The following MGAT5 variants were observed in gnomAD, a reference collection of about 807,000 sequenced individuals.
MGAT5 encodes the protein alpha-1,6-mannosylglycoprotein 6-beta-N-acetylglucosaminyltransferase, also known as alpha-1,6-mannosylglycoprotein 6-beta-N-acetylglucosaminyltransferase A.
Under a neutral mutation model 94.3 loss-of-function variants are expected in MGAT5, and 30 were observed. The ratio of observed to expected loss-of-function variants is 0.32; its 90% CI spans 0.24 to 0.43. The LOEUF is 0.43. MGAT5 is among the 20% of genes least tolerant of loss of function. The pLI, the probability that MGAT5 is intolerant of heterozygous loss-of-function variation, is 1.00. For missense variants in MGAT5, 691 were observed against 905.5 expected, an observed-to-expected ratio of 0.76 and a Z score of 3.04; for synonymous variants, 310 against 322.9, an observed-to-expected ratio of 0.96 and a Z score of 0.43.
intron 2 of MGAT5, among the ~76,000 whole-genome samples, chr2:134,290,068 A>G (rs1685251735): frequency 6.6e-6 from 1 of 152,202 alleles, no homozygotes; most frequent in Admixed American, 6.5e-5. Context: ...CCCTGACACA[A>G]GGACTTCTCA....
At chr2:134,168,068 G>A (rs192574278) in intron 1 of MGAT5, among the ~76,000 whole-genome samples, 7 of 152,306 alleles carry the variant, frequency 4.6e-5, no homozygotes, top group Middle Eastern at 3.4e-3. Context: ...TCCAGGCTTC[G>A]CAGTGGTTCT....
intron 1 of MGAT5, among the ~76,000 whole-genome samples, chr2:134,222,203 G>C (rs747235050): frequency 6.6e-6 from 1 of 152,200 alleles, no homozygotes; most frequent in Non-Finnish European, 1.5e-5. Context: ...CTTTAATTGT[G>C]CCTTTCCTTC....
intron 1 of MGAT5, among the ~76,000 whole-genome samples, chr2:134,166,093 C>T (rs1426226550): frequency 6.6e-6 from 1 of 152,154 alleles, no homozygotes; most frequent in Non-Finnish European, 1.5e-5. Context: ...AGATCTAAAA[C>T]TGCATAAGAC....
intron 1 of MGAT5, among the ~76,000 whole-genome samples, chr2:134,199,243 C>G (rs924841027): frequency 6.6e-6 from 1 of 152,152 alleles, no homozygotes; most frequent in Non-Finnish European, 1.5e-5. Context: ...CTTTGCCTCT[C>G]CTACTCCTCT....
chr2:134,262,221 G>A (rs1434800210), intron 1 of MGAT5, among the ~76,000 whole-genome samples: 1 of 151,828 alleles, frequency 6.6e-6, no homozygotes, highest in East Asian at 1.9e-4. Context: ...TTTTTTTTTG[G>A]TGTTGTTTTT....
At position 134,259,403 on chromosome 2, in the gene MGAT5, C is replaced by A. The variant is rs1405595708; in HGVS notation, c.241+4759C>A. Among the ~76,000 whole-genome samples the A allele has an allele frequency of 3.9e-5, 6 of 152,204 alleles. No homozygotes were observed. The East Asian group carries it at 9.6e-4, about 24-fold the overall frequency. On this transcript the variant is annotated intron_variant, in intron 1 of 15. Transcript: ENST00000281923. ...CCCAAATTCTGATCCCTAGTGATCA[C>A]CTCTTATCTAACAGGACAAACCCGG...
At chr2:134,291,024 G>T (rs547109782) in intron 2 of MGAT5, among the ~76,000 whole-genome samples, 3 of 152,128 alleles carry the variant, frequency 2.0e-5, no homozygotes, top group Non-Finnish European at 4.4e-5. Context: ...AAGGAGACTG[G>T]CCATAGACAG....
At chr2:134,402,871 T>C (rs946589274) in intron 10 of MGAT5, 117 bp from the exon 11 acceptor site, 6 of 1,013,474 alleles carry the variant, frequency 5.9e-6, no homozygotes, top group Middle Eastern at 2.7e-4. Flanking sequence ...TCCTGTGATC[T>C]CCATATTAAG....
At chr2:134,261,748 G>C (rs1486288572) in intron 1 of MGAT5, among the ~76,000 whole-genome samples, 2 of 152,176 alleles carry the variant, frequency 1.3e-5, no homozygotes, top group African/African-American at 4.8e-5. Context: ...GGTCTGTTTT[G>C]TTCCCCACTG....
At chr2:134,410,465 G>A (rs1683585078) in intron 11 of MGAT5, among the ~76,000 whole-genome samples, 1 of 152,204 alleles carries the variant, frequency 6.6e-6, no homozygotes, top group African/African-American at 2.4e-5. Context: ...AGGAAATTAT[G>A]TTGTATTTGC....
At chr2:134,414,768 G>A (rs1418974640) in intron 12 of MGAT5, among the ~76,000 whole-genome samples, 2 of 152,026 alleles carry the variant, frequency 1.3e-5, no homozygotes, top group African/African-American at 2.4e-5. Context: ...ATATCCCCAC[G>A]CACCAGTCTC....
At chr2:134,409,525 T>C (rs928431067) in intron 11 of MGAT5, among the ~76,000 whole-genome samples, 1 of 152,240 alleles carries the variant, frequency 6.6e-6, no homozygotes, top group Admixed American at 6.5e-5. Context: ...AATGGATTCA[T>C]CAATTCATTT....
At chr2:134,430,224 G>A (rs1231407937) in intron 14 of MGAT5, among the ~76,000 whole-genome samples, 1 of 152,120 alleles carries the variant, frequency 6.6e-6, no homozygotes, top group African/African-American at 2.4e-5. Context: ...CTGTCTCCAC[G>A]TCCTCTTAGG....
chr2:134,386,146 T>C (rs1265960282), intron 10 of MGAT5, among the ~76,000 whole-genome samples: 3 of 152,182 alleles, frequency 2.0e-5, no homozygotes, highest in Admixed American at 6.5e-5. Flanking sequence ...TGTGCGAAAT[T>C]AGCTTGCAGT....
intron 1 of MGAT5, among the ~76,000 whole-genome samples, chr2:134,205,333 A>G (rs1181081353): frequency 6.6e-6 from 1 of 152,006 alleles, no homozygotes; most frequent in African/African-American, 2.4e-5. Context: ...TATTGCTATA[A>G]TGTGGGTGGG....
chr2:134,243,975 T>C (rs1682101955), intron 1 of MGAT5, among the ~76,000 whole-genome samples: 1 of 152,226 alleles, frequency 6.6e-6, no homozygotes, highest in African/African-American at 2.4e-5. Flanking sequence ...GATTGTGATT[T>C]TCTTTATTAC....
intron 1 of MGAT5, among the ~76,000 whole-genome samples, chr2:134,234,352 A>G (rs1404783286): frequency 2.0e-5 from 3 of 152,240 alleles, no homozygotes; most frequent in Non-Finnish European, 4.4e-5. Context: ...ACAGATATTA[A>G]GTAGTTAGTT....
intron 10 of MGAT5, among the ~76,000 whole-genome samples, chr2:134,379,107 T>C (rs1046835593): frequency 1.8e-4 from 28 of 152,230 alleles, no homozygotes; most frequent in South Asian, 2.1e-4. Context: ...TCTCCCACTT[T>C]GTCTTCTCCC....
At chr2:134,289,331 T>C (rs1389093677) in intron 2 of MGAT5, among the ~76,000 whole-genome samples, 1 of 152,144 alleles carries the variant, frequency 6.6e-6, no homozygotes, top group Admixed American at 6.5e-5. Context: ...AGGGTGCCGA[T>C]CTCTCTTCTG....
Sources: allele counts gnomAD v4.1 joint callset (sites outside exome capture counted in the v4.1 genomes callset), GRCh38; gene constraint gnomAD v4.1.1; transcripts MANE v1.5; gene names NCBI Gene and HGNC (gene_info 2026-07-23, HGNC 2026-07-21).